Variants in ZNF385D observed in about 807,000 individuals in gnomAD.
ZNF385D encodes the protein zinc finger protein 385D.
Under a neutral mutation model 35.8 loss-of-function variants are expected in ZNF385D, and 15 were observed. The ratio of observed to expected loss-of-function variants is 0.42; its 90% confidence interval spans 0.28 to 0.64. The LOEUF (loss-of-function observed/expected upper bound fraction) is 0.64. ZNF385D is among the 30% of genes least tolerant of loss of function. The pLI is 0.23. For missense variants in ZNF385D, 474 were observed against 494.6 expected, an observed-to-expected ratio of 0.96 and a Z score of 0.39; for synonymous variants, 212 against 186.8, an observed-to-expected ratio of 1.13 and a Z score of -1.10.
chr3:22,312,659 T>A (rs1295381102), intron 2 of ZNF385D, among the ~76,000 whole-genome samples: 2 of 152,018 alleles, frequency 1.3e-5, no homozygotes, highest in African/African-American at 4.8e-5. Flanking sequence ...AAGTGCTCAT[T>A]ATCACTGGCC....
At chr3:21,799,511 A>G (rs918584147) in intron 3 of ZNF385D, among the ~76,000 whole-genome samples, 1 of 152,126 alleles carries the variant, frequency 6.6e-6, no homozygotes, top group African/African-American at 2.4e-5. Flanking sequence ...AACTATTGGT[A>G]TTAAGTATAT....
chr3:21,954,659 T>C (rs1405283119), intron 3 of ZNF385D, among the ~76,000 whole-genome samples: 1 of 152,140 alleles, frequency 6.6e-6, no homozygotes, highest in Non-Finnish European at 1.5e-5. Context: ...TTCATTAATA[T>C]ATATTAACTG....
rs892390501 is a variant in ZNF385D, at chr3:21,414,591, T to A, written c.*6623A>T. On this transcript the variant is annotated 3_prime_UTR_variant, in exon 8 of 8. Transcript: ENST00000281523. ...CTTGCTTTTACTAAATTCAGCTTTTTTAAAAGCACATTTCTGTAATCAGTC... is the reference window on the plus strand; with the variant it reads ...CTTGCTTTTACTAAATTCAGCTTTTATAAAAGCACATTTCTGTAATCAGTC... 1.3e-5 allele frequency: 2 copies of A among 152,152 alleles called. No individual in the cohort carries two copies. Among genetic ancestry groups the A allele is most frequent in the Non-Finnish European group, 2.9e-5 (2 of 68,006 alleles). The allele number at this position is 152,152 out of a possible 1,614,324, so 9.4% of individuals were successfully genotyped here.
At chr3:21,486,742 C>T (rs1247908802) in intron 4 of ZNF385D, among the ~76,000 whole-genome samples, 2 of 152,070 alleles carry the variant, frequency 1.3e-5, no homozygotes, top group Non-Finnish European at 2.9e-5. Context: ...CCAAAATATT[C>T]CTAGCAACCA....
chr3:21,592,496 A>G (rs1331275820), intron 2 of ZNF385D, among the ~76,000 whole-genome samples: 1 of 146,904 alleles, frequency 6.8e-6, no homozygotes, highest in Non-Finnish European at 1.5e-5. Context: ...AATAGGATTT[A>G]TATTTTCTCA....
intron 5 of ZNF385D, among the ~76,000 whole-genome samples, chr3:21,428,815 C>T (rs1334309172): frequency 6.6e-6 from 1 of 151,954 alleles, no homozygotes; most frequent in Non-Finnish European, 1.5e-5. Flanking sequence ...TTTCTTTTAT[C>T]ACCTTTAAAA....
chr3:22,246,416 G>T (rs763168991), intron 2 of ZNF385D, among the ~76,000 whole-genome samples: 1 of 152,072 alleles, frequency 6.6e-6, no homozygotes, highest in Non-Finnish European at 1.5e-5. Flanking sequence ...TATGAATTGA[G>T]TGACTATTTG....
At chr3:21,731,139 A>T (rs1486506581) in intron 1 of ZNF385D, among the ~76,000 whole-genome samples, 1 of 152,162 alleles carries the variant, frequency 6.6e-6, no homozygotes, top group Non-Finnish European at 1.5e-5. Context: ...TATTCCCTTC[A>T]CATATTTGTA....
intron 3 of ZNF385D, among the ~76,000 whole-genome samples, chr3:22,099,217 G>C (rs781229633): frequency 6.6e-6 from 1 of 152,070 alleles, no homozygotes; most frequent in Non-Finnish European, 1.5e-5. Flanking sequence ...CCACAAGATA[G>C]TATGCACAGT....
At chr3:21,904,250 G>C (rs1699559757) in intron 3 of ZNF385D, among the ~76,000 whole-genome samples, 1 of 140,928 alleles carries the variant, frequency 7.1e-6, no homozygotes, top group African/African-American at 2.7e-5. Context: ...GTTGCAGTGA[G>C]CCGAGATCAT....
intron 3 of ZNF385D, among the ~76,000 whole-genome samples, chr3:21,765,573 C>T (rs1173114848): frequency 1.3e-5 from 2 of 151,904 alleles, no homozygotes; most frequent in Non-Finnish European, 2.9e-5. Context: ...TGGTGATGGG[C>T]CCCGGAGCCA....
chr3:21,503,104 A>G (rs769417830), intron 4 of ZNF385D, among the ~76,000 whole-genome samples: 1 of 152,164 alleles, frequency 6.6e-6, no homozygotes. Context: ...TTGCCTCATA[A>G]ACTTCAACAG....
chr3:22,048,063 A>AT (rs908897879), intron 3 of ZNF385D, among the ~76,000 whole-genome samples: 25 of 151,706 alleles, frequency 1.6e-4, no homozygotes, highest in African/African-American at 4.1e-4. Context: ...ACATCCATTC[A>AT]TTTTTTTCAT....
intron 3 of ZNF385D, among the ~76,000 whole-genome samples, chr3:21,901,653 A>C (rs951178814): frequency 6.6e-6 from 1 of 152,168 alleles, no homozygotes; most frequent in Non-Finnish European, 1.5e-5. Context: ...ATGGTTAAAT[A>C]AACAGTTCAC....
chr3:21,469,155 C>CTA (rs796991350), intron 4 of ZNF385D, among the ~76,000 whole-genome samples: 68 of 152,274 alleles, frequency 4.5e-4, no homozygotes, highest in Middle Eastern at 3.4e-3. Context: ...CATTTGAAAT[C>CTA]TGCATTTTAT....
Position 22,369,501 on chromosome 3 carries a change from GTTA to G in ZNF385D, c.106+2946_106+2948del, listed in dbSNP as rs201217190. On this transcript the variant is annotated intron_variant, in intron 2 of 5. Coordinates refer to the ZNF385D transcript ENST00000494108. ...AAAAATAAAACAACTCTCTAGGCAAGTTATTATGAGACATGTAGATTTATTGGA... is the reference window on the plus strand; with the variant it reads ...AAAAATAAAACAACTCTCTAGGCAAGTTATGAGACATGTAGATTTATTGGA... 7.2e-3 allele frequency among the ~76,000 whole-genome samples: 1,093 copies of G among 152,156 alleles called. 21 individuals carry two copies. Among genetic ancestry groups the G allele is most frequent in the African/African-American group, 0.025 (1,020 of 41,514 alleles).
intron 2 of ZNF385D, among the ~76,000 whole-genome samples, chr3:21,650,597 A>C (rs1408111003): frequency 6.6e-6 from 1 of 152,190 alleles, no homozygotes; most frequent in Non-Finnish European, 1.5e-5. Context: ...AAGAGCTCAA[A>C]GGCATCAGCA....
At chr3:21,740,739 C>CTAGG (rs1460727388) in intron 1 of ZNF385D, among the ~76,000 whole-genome samples, 1 of 152,168 alleles carries the variant, frequency 6.6e-6, no homozygotes, top group Non-Finnish European at 1.5e-5. Flanking sequence ...CAACTGCTGC[C>CTAGG]TAGGTGACCT....
Position 21,520,231 on chromosome 3 carries a change from T to A in ZNF385D, c.277-9208A>T, listed in dbSNP as rs373741931. 2.6e-5 allele frequency among the ~76,000 whole-genome samples: 4 copies of A among 152,200 alleles called. No individual in the cohort carries two copies. In the East Asian group the frequency reaches 7.7e-4, roughly 29 times the overall value. ...CCATGTAGTCTTAGGTATGTCTGCATCGTAGCACTTATGTCACTGCCATAA... is the reference window on the plus strand; with the variant it reads ...CCATGTAGTCTTAGGTATGTCTGCAACGTAGCACTTATGTCACTGCCATAA... On this transcript the variant is annotated intron_variant, in intron 3 of 7. Transcript: ENST00000281523.
Sources: gnomAD v4.1 joint callset for allele counts (sites outside exome capture counted in the v4.1 genomes callset) on GRCh38, gnomAD v4.1.1 for gene constraint, MANE v1.5 for transcripts, NCBI Gene and HGNC (gene_info 2026-07-23, HGNC 2026-07-21) for gene names.